Variants in AGAP1 observed in about 807,000 individuals in gnomAD.
AGAP1 encodes ArfGAP with GTPase domain, ankyrin repeat and PH domain 1.
A neutral mutation model predicts 105.3 loss-of-function variants in AGAP1; 29 were observed. That is an observed-to-expected ratio of 0.28 (90% confidence interval 0.21 to 0.38). AGAP1 has a LOEUF of 0.38. AGAP1 is among the 10% of genes least tolerant of loss of function. AGAP1 has a pLI of 1.00. For synonymous variants in AGAP1, 509 were observed against 485.9 expected (o/e 1.05, Z -0.63); for missense variants, 998 against 1,165.1 (o/e 0.86, Z 2.09).
In AGAP1 at chr2:235,792,763, G is replaced by A. The variant is rs191587408; in HGVS notation, c.674-4996G>A. ...GGCTAGGAGGCCCAGGCTGGGCGGC[G>A]CGGACTTGAAGGCGCCTCTAGCAGA... On this transcript the variant is annotated intron_variant, in intron 6 of 17. Transcript: ENST00000304032. The surrounding 1 kb of genome is among the most constrained non-coding windows in gnomAD (Gnocchi z 5.3). 8.7e-4 allele frequency among the ~76,000 whole-genome samples: 133 copies of A among 152,336 alleles called. 2 individuals are homozygous for A. The East Asian group carries it at 0.02, about 22-fold the overall frequency.
intron 1 of AGAP1, among the ~76,000 whole-genome samples, chr2:235,605,290 G>A (rs567762367): frequency 6.6e-5 from 10 of 152,252 alleles, no homozygotes; most frequent in East Asian, 3.9e-4. Flanking sequence ...TGCATTTCAC[G>A]CCCCTCATCT....
In AGAP1 at chr2:235,843,059, G is replaced by A. The variant is rs1301962214; in HGVS notation, c.1050+35728G>A. Among the ~76,000 whole-genome samples, 1 of 152,154 alleles carries A rather than the reference G, an allele frequency of 6.6e-6. No homozygotes were observed. The highest frequency in any genetic ancestry group is 1.5e-5 in the Non-Finnish European group (1 of 68,032). On this transcript the variant is annotated intron_variant, in intron 9 of 17. Coordinates refer to ENST00000304032, the MANE Select transcript of AGAP1 (RefSeq NM_001037131.3). This position sits in a 1 kb window ranked among gnomAD's most constrained non-coding sequence, Gnocchi z 5.9. The stretch of plus-strand genomic sequence containing the variant: ...GATTTGATGTGAAGTTGAGGACACG[G>A]GTCTTCATAATGAAACAGAAGTGCT...
At position 236,087,672 on chromosome 2, in the gene AGAP1, G is replaced by A. The variant is rs920128355; in HGVS notation, c.2115-32520G>A. On this transcript the variant is annotated intron_variant, in intron 16 of 17. Coordinates refer to ENST00000304032, the MANE Select transcript of AGAP1 (RefSeq NM_001037131.3). The surrounding 1 kb of genome is among the most constrained non-coding windows in gnomAD (Gnocchi z 5.7). ...CTTTTCTCTGTTTCCATGTGGTGCC[G>A]TGAATAGTCTCATAAGCCATGTAAG... Among the ~76,000 whole-genome samples the A allele has an allele frequency of 1.9e-4, 28 of 147,620 alleles. No homozygotes were observed. Among genetic ancestry groups the A allele is most frequent in the African/African-American group, 6.3e-4 (26 of 41,368 alleles).
rs895560827 is a variant in AGAP1, at chr2:235,752,943, G to T, written c.673+2455G>T. ...CCAGGTGCTGGTGGGTGTGGTGTCTGCTGAGGGCCATCCTCCTAGTGGGAT... is the reference window on the plus strand; with the variant it reads ...CCAGGTGCTGGTGGGTGTGGTGTCTTCTGAGGGCCATCCTCCTAGTGGGAT... On this transcript the variant is annotated intron_variant, in intron 6 of 17. Coordinates refer to ENST00000304032, the MANE Select transcript of AGAP1 (RefSeq NM_001037131.3). The surrounding 1 kb of genome is among the most constrained non-coding windows in gnomAD (Gnocchi z 4.3). 6.6e-6 allele frequency among the ~76,000 whole-genome samples: 1 copy of T among 152,202 alleles called. No homozygotes were observed. The highest frequency in any genetic ancestry group is 1.5e-5 in the Non-Finnish European group (1 of 68,046).
chr2:235,612,520 A>G lies in AGAP1; in HGVS notation c.164-96659A>G, dbSNP rs1475250600. On this transcript the variant is annotated intron_variant, in intron 1 of 17. Transcript: ENST00000304032. This position sits in a 1 kb window ranked among gnomAD's most constrained non-coding sequence, Gnocchi z 4.3. Reference sequence around the variant, plus strand: ...CCTTTGTACTTATTCAAACTGACAAATACTTACTTAATAGCTGATTGTATT... The same window carrying G: ...CCTTTGTACTTATTCAAACTGACAAGTACTTACTTAATAGCTGATTGTATT... 6.6e-6 allele frequency among the ~76,000 whole-genome samples: 1 copy of G among 152,180 alleles called. No individual in the cohort carries two copies. The highest frequency in any genetic ancestry group is 1.5e-5 in the Non-Finnish European group (1 of 68,036).
At chr2:236,066,681 G>T (rs1456445769) in intron 16 of AGAP1, among the ~76,000 whole-genome samples, 3 of 152,270 alleles carry the variant, frequency 2.0e-5, no homozygotes, top group African/African-American at 4.8e-5. Context: ...TTATATTGGG[G>T]TATAATTTGC....
intron 12 of AGAP1, among the ~76,000 whole-genome samples, chr2:235,937,201 C>A (rs1575824977): frequency 1.3e-5 from 2 of 152,200 alleles, no homozygotes; most frequent in Admixed American, 6.5e-5. Flanking sequence ...AAGCTGGGCA[C>A]TCCCTGCCTC....
intron 16 of AGAP1, among the ~76,000 whole-genome samples, chr2:236,108,883 C>T (rs73996535): frequency 2.0e-5 from 3 of 152,186 alleles, no homozygotes; most frequent in Non-Finnish European, 2.9e-5. Context: ...CAGACCCCGC[C>T]ACAAGACAGT....
chr2:235,534,356 G>A (rs546509007), intron 1 of AGAP1, among the ~76,000 whole-genome samples: 1 of 152,086 alleles, frequency 6.6e-6, no homozygotes, highest in Non-Finnish European at 1.5e-5. Flanking sequence ...ATAGGGGGTC[G>A]GCCAGACATG....
In AGAP1 at chr2:235,960,414, C is replaced by T. The variant is rs532526391; in HGVS notation, c.1484-8048C>T. Among the ~76,000 whole-genome samples, 19 of 152,298 alleles carry T rather than the reference C, an allele frequency of 1.2e-4. No individual in the cohort carries two copies. Among genetic ancestry groups the T allele is most frequent in the African/African-American group, 3.4e-4 (14 of 41,570 alleles). On this transcript the variant is annotated intron_variant, in intron 12 of 17. Transcript: ENST00000304032. This position sits in a 1 kb window ranked among gnomAD's most constrained non-coding sequence, Gnocchi z 4.9. ...TTTTTCTGTTCTCTGTCTCCCCAGC[C>T]CTCTCCTGGGCTTTCTCCCGGTGCA... is the stretch of plus-strand genomic sequence containing the variant.
rs1373445370 is a variant in AGAP1, at chr2:235,787,083, TG to T, written c.674-10672del. On this transcript the variant is annotated intron_variant, in intron 6 of 17. Transcript: ENST00000304032. The surrounding 1 kb of genome is among the most constrained non-coding windows in gnomAD (Gnocchi z 4.4). ...GGCAGTGCTCAGAGTCGAGCTGGCC[TG>T]GGGCCGTGGCCCCACAGGCTTGTGA... 6.6e-6 allele frequency among the ~76,000 whole-genome samples: 1 copy of T among 152,234 alleles called. No individual in the cohort carries two copies.
chr2:235,504,841 C>T lies in AGAP1; in HGVS notation c.163+9992C>T, dbSNP rs138312239. The stretch of plus-strand genomic sequence containing the variant: ...GTTTGCATGGCTAATGCATTTCCAG[C>T]ACTTAGAGATTAGGTTTTTAAACTT... On this transcript the variant is annotated intron_variant, in intron 1 of 17. Transcript: ENST00000304032. 2.3e-3 allele frequency among the ~76,000 whole-genome samples: 355 copies of T among 152,296 alleles called. 1 individual carries two copies. The highest frequency in any genetic ancestry group is 8.1e-3 in the African/African-American group (338 of 41,560).
At chr2:235,540,953 G>C (rs1943414445) in intron 1 of AGAP1, among the ~76,000 whole-genome samples, 1 of 152,146 alleles carries the variant, frequency 6.6e-6, no homozygotes, top group South Asian at 2.1e-4. Flanking sequence ...TCATTCAGTT[G>C]CTTAAACAAA....
At chr2:235,820,526 T>C (rs1345600392) in intron 9 of AGAP1, among the ~76,000 whole-genome samples, 11 of 152,240 alleles carry the variant, frequency 7.2e-5, no homozygotes, top group Admixed American at 7.2e-4. Context: ...TAAGGAATTC[T>C]TCAAGATTAA....
rs1269618783 is a variant in AGAP1 at position 235,988,831 on chromosome 2, G to A, written c.1645+20208G>A. Among the ~76,000 whole-genome samples the A allele has an allele frequency of 2.0e-5, 3 of 152,128 alleles. No homozygotes were observed. Among genetic ancestry groups the A allele is most frequent in the African/African-American group, 7.2e-5 (3 of 41,432 alleles). The stretch of plus-strand genomic sequence containing the variant: ...TCAGCATGTGTTTCCCAGACTGGGC[G>A]TCACTGTCGCCTCCTTGACTCTCAT... On this transcript the variant is annotated intron_variant, in intron 13 of 17. Transcript: ENST00000304032. The surrounding 1 kb of genome is among the most constrained non-coding windows in gnomAD (Gnocchi z 4.7).
chr2:236,098,611 CT>C (rs1415524916), intron 16 of AGAP1, among the ~76,000 whole-genome samples: 1 of 80,714 alleles, frequency 1.2e-5, no homozygotes, highest in African/African-American at 6.8e-5. Context: ...TTGATGAAAT[CT>C]TTTTTTCCTT....
intron 13 of AGAP1, among the ~76,000 whole-genome samples, chr2:235,980,126 G>A (rs571995800): frequency 3.9e-5 from 6 of 152,244 alleles, no homozygotes; most frequent in South Asian, 2.1e-4. Context: ...ACGACCCTCC[G>A]TGTAATCAAG....
At position 235,788,195 on chromosome 2, in the gene AGAP1, A is replaced by T. The variant is rs1029647580; in HGVS notation, c.674-9564A>T. On this transcript the variant is annotated intron_variant, in intron 6 of 17. Coordinates refer to ENST00000304032, the MANE Select transcript of AGAP1 (RefSeq NM_001037131.3). The surrounding 1 kb of genome is among the most constrained non-coding windows in gnomAD (Gnocchi z 6.0). ...AGTGCACAGAGAAGCAGAGTGCCATACTGGGACCCTACGGTACAGCCAGCC... is the reference window on the plus strand; with the variant it reads ...AGTGCACAGAGAAGCAGAGTGCCATTCTGGGACCCTACGGTACAGCCAGCC... Among the ~76,000 whole-genome samples the T allele has an allele frequency of 6.6e-6, 1 of 152,128 alleles. No homozygotes were observed. Among genetic ancestry groups the T allele is most frequent in the African/African-American group, 2.4e-5 (1 of 41,392 alleles).
In AGAP1 at chr2:235,792,309, C is replaced by T. The variant is rs1575478641; in HGVS notation, c.674-5450C>T. Among the ~76,000 whole-genome samples, 3 of 152,278 alleles carry T rather than the reference C, an allele frequency of 2.0e-5. No individual in the cohort carries two copies. The highest frequency in any genetic ancestry group is 2.0e-4 in the Admixed American group (3 of 15,302). On this transcript the variant is annotated intron_variant, in intron 6 of 17. Coordinates refer to ENST00000304032, the MANE Select transcript of AGAP1 (RefSeq NM_001037131.3). The surrounding 1 kb of genome is among the most constrained non-coding windows in gnomAD (Gnocchi z 5.3). Reference sequence around the variant, plus strand: ...CACCCTTCACGTGTCATCTGGTCCCCCACAAAGCTTTTGCATGGGGTTCAT... The same window carrying T: ...CACCCTTCACGTGTCATCTGGTCCCTCACAAAGCTTTTGCATGGGGTTCAT...
Sources: allele counts gnomAD v4.1 joint callset (sites outside exome capture counted in the v4.1 genomes callset), GRCh38; gene constraint gnomAD v4.1.1; non-coding constraint Gnocchi (gnomAD v3.1); transcripts MANE v1.5; gene names NCBI Gene and HGNC (gene_info 2026-07-23, HGNC 2026-07-21).